The following INTS3 variants were observed in gnomAD, a reference collection of about 807,000 sequenced individuals.
INTS3 encodes integrator complex subunit 3, also known as SOSS complex subunit A.
INTS3 carries 34 observed loss-of-function variants against 146.3 expected under a neutral mutation model. The observed-to-expected ratio is 0.23, with a 90% CI of 0.18 to 0.31. INTS3 has a LOEUF of 0.31. INTS3 is among the 10% of genes least tolerant of loss of function. The pLI is 1.00. For missense variants in INTS3, 757 were observed against 1,304.2 expected, an observed-to-expected ratio of 0.58 and a Z score of 6.46; for synonymous variants, 475 against 494.9, an observed-to-expected ratio of 0.96 and a Z score of 0.53.
rs1570871511 is a variant in INTS3, at chr1:153,760,398, T to C, written c.1317+8T>C. ...CTGGACTTCATGTGCCGCGTAAGTG[T>C]TAGAGCTCTCTTTTCTCCCCATGCC... is the stretch of plus-strand genomic sequence containing the variant. On this transcript the variant is annotated splice_region_variant and intron_variant, in intron 12 of 29. Coordinates refer to ENST00000318967, the MANE Select transcript of INTS3 (RefSeq NM_023015.5). The C allele has an allele frequency of 1.9e-6, 3 of 1,610,728 alleles. No individual in the cohort carries two copies. The highest frequency in any genetic ancestry group is 2.5e-6 in the Non-Finnish European group (3 of 1,176,998).
rs1672433562 is a variant in INTS3, at chr1:153,762,762, C to A, written c.1551C>A (p.Asp517Glu). 1.2e-6 allele frequency: 2 copies of A among 1,614,008 alleles called. No individual in the cohort carries two copies. Among genetic ancestry groups the A allele is most frequent in the African/African-American group, 2.7e-5 (2 of 74,916 alleles). Residue 517 changes from aspartate to glutamate, a missense_variant, in exon 15 of 30, where the codon GAC becomes GAA. Physicochemically the swap from Asp to Glu is conservative, Grantham distance 45. Coordinates refer to ENST00000318967, the MANE Select transcript of INTS3 (RefSeq NM_023015.5). ...AGGAGCCAGTTTCCATGGAGATGGACAACCATATGTCGGATAAGGATGAGA... is the reference window on the plus strand; with the variant it reads ...AGGAGCCAGTTTCCATGGAGATGGAAAACCATATGTCGGATAAGGATGAGA... ...KIEEPVSMEM[D>E]NHMSDKDESC...
At chr1:153,750,226 C>G (rs1671906203) in intron 6 of INTS3, among the ~76,000 whole-genome samples, 2 of 152,220 alleles carry the variant, frequency 1.3e-5, no homozygotes, top group South Asian at 2.1e-4. Flanking sequence ...TCCCTGCCTT[C>G]CAACAGGGGG....
In INTS3 at chr1:153,769,674, T is replaced by G. The variant is rs563120777; in HGVS notation, c.2314-95T>G. ...GGCCTTCACTTCCTCTAATTTTTTT[T>G]TTTCCCTTACGAGCCCTCCTGCGTC... is the stretch of plus-strand genomic sequence containing the variant. On this transcript the variant is annotated intron_variant, in intron 22 of 29. Transcript: ENST00000318967. 9 of 765,062 alleles carry G rather than the reference T, an allele frequency of 1.2e-5. No individual in the cohort carries two copies. In the East Asian group the frequency reaches 1.8e-4, roughly 15 times the overall value. 47.4% of individuals were successfully genotyped at this position (765,062 alleles called of 1,614,324 possible).
In INTS3 at chr1:153,773,258, T is replaced by C. The variant is rs1354842422; in HGVS notation, c.3117T>C (p.Ser1039=). 6.2e-7 allele frequency: 1 copy of C among 1,613,892 alleles called. No homozygotes were observed. Among genetic ancestry groups the C allele is most frequent in the South Asian group, 1.1e-5 (1 of 91,064 alleles). ...RKRKGSSAVG[S]DSD Reference sequence around the variant, plus strand: ...GAAAAGGGTCCTCTGCAGTGGGCTCTGACAGTGACTGAGGCCCTGCATTCC... The same window carrying C: ...GAAAAGGGTCCTCTGCAGTGGGCTCCGACAGTGACTGAGGCCCTGCATTCC... Residue 1039 remains serine, a synonymous_variant, in exon 30 of 30, where the codon TCT becomes TCC. Coordinates refer to ENST00000318967, the MANE Select transcript of INTS3 (RefSeq NM_023015.5).
chr1:153,758,404 C>T (rs1220789887), intron 10 of INTS3, among the ~76,000 whole-genome samples: 1 of 152,168 alleles, frequency 6.6e-6, no homozygotes, highest in Non-Finnish European at 1.5e-5. Flanking sequence ...GAAAGGGCAG[C>T]CAAGGGGTGC....
intron 1 of INTS3, among the ~76,000 whole-genome samples, chr1:153,732,691 A>G (rs1028603417): frequency 4.0e-5 from 6 of 151,566 alleles, no homozygotes; most frequent in Admixed American, 2.6e-4. Context: ...CAGGTGATCC[A>G]CCTGCCTCGG....
rs759904170 is a variant in INTS3, at chr1:153,747,037, G to A, written c.399G>A (p.Lys133=). ...LNKINQILME[K]YLKLQDTCRT... ...AAATCAACCAGATACTTATGGAGAAGTACCTGAAGCTGCAGGATACCTGCC... is the reference window on the plus strand; with the variant it reads ...AAATCAACCAGATACTTATGGAGAAATACCTGAAGCTGCAGGATACCTGCC... The change falls in exon 4 of 30, where the codon AAG becomes AAA. Residue 133 remains lysine, a synonymous_variant. Transcript: ENST00000318967. The A allele has an allele frequency of 1.2e-6, 2 of 1,613,638 alleles. No homozygotes were observed. The highest frequency in any genetic ancestry group is 1.7e-6 in the Non-Finnish European group (2 of 1,179,584).
At chr1:153,744,849 G>A (rs1318072373) in intron 3 of INTS3, among the ~76,000 whole-genome samples, 1 of 152,096 alleles carries the variant, frequency 6.6e-6, no homozygotes, top group Non-Finnish European at 1.5e-5. Flanking sequence ...AACTCATACC[G>A]CTATTCCCAG....
Position 153,764,749 on chromosome 1 carries a change from A to G in INTS3, c.1970+15A>G, listed in dbSNP as rs768612702. ...CTAATATTTAGGTAAGCACGCAGCT[A>G]TAGGAGATACTGTTCTACCCTCCAT... On this transcript the variant is annotated intron_variant, in intron 19 of 29. Coordinates refer to ENST00000318967, the MANE Select transcript of INTS3 (RefSeq NM_023015.5). 25 of 1,598,056 alleles carry G rather than the reference A, an allele frequency of 1.6e-5. No homozygotes were observed. Among genetic ancestry groups the G allele is most frequent in the East Asian group, 2.2e-5 (1 of 44,794 alleles).
chr1:153,756,542 G>A (rs556097191), intron 9 of INTS3, among the ~76,000 whole-genome samples: 41 of 152,052 alleles, frequency 2.7e-4, no homozygotes, highest in African/African-American at 9.6e-4. Context: ...GGGGCCAAGT[G>A]CGGTGGCTCA....
intron 9 of INTS3, among the ~76,000 whole-genome samples, chr1:153,755,160 C>T (rs1196118923): frequency 6.6e-6 from 1 of 152,078 alleles, no homozygotes; most frequent in African/African-American, 2.4e-5. Flanking sequence ...CCAGACTTGA[C>T]TGAATAATGG....
chr1:153,762,096 C>T (rs534390773), intron 14 of INTS3, among the ~76,000 whole-genome samples: 1 of 152,344 alleles, frequency 6.6e-6, no homozygotes, highest in Non-Finnish European at 1.5e-5. Flanking sequence ...CACATACACA[C>T]TTTGTTTTGG....
Position 153,764,930 on chromosome 1 carries a change from T to C in INTS3, c.1971-14T>C. ...GTAAAGTTCTGTTCCTCTCCTCCCATGCCCCACCTCCAGGAACCTATGTCA... is the reference window on the plus strand; with the variant it reads ...GTAAAGTTCTGTTCCTCTCCTCCCACGCCCCACCTCCAGGAACCTATGTCA... On this transcript the variant is annotated splice_polypyrimidine_tract_variant and intron_variant, in intron 19 of 29. Coordinates refer to ENST00000318967, the MANE Select transcript of INTS3 (RefSeq NM_023015.5). 6.2e-7 allele frequency: 1 copy of C among 1,614,076 alleles called. No individual in the cohort carries two copies. The highest frequency in any genetic ancestry group is 1.1e-5 in the South Asian group (1 of 91,076).
At chr1:153,740,207 C>T (rs934303820) in intron 1 of INTS3, among the ~76,000 whole-genome samples, 1 of 152,126 alleles carries the variant, frequency 6.6e-6, no homozygotes, top group Non-Finnish European at 1.5e-5. Context: ...TCCAGAGATT[C>T]TCCTGCCTCA....
At chr1:153,761,126 AT>A in intron 13 of INTS3, 1 of 1,359,916 alleles carries the variant, frequency 7.4e-7, no homozygotes, top group Non-Finnish European at 9.7e-7. Context: ...AAATGCCTTC[AT>A]GTTCCCTGTT....
chr1:153,761,782 G>A (rs1046616790), intron 14 of INTS3, 106 bp downstream of exon 14: 14 of 644,548 alleles, frequency 2.2e-5, no homozygotes, highest in South Asian at 1.5e-4. Flanking sequence ...CTCCACTTCC[G>A]TGACACTGTC....
chr1:153,760,420 T>G, intron 12 of INTS3, 30 bp downstream of exon 12: 1 of 1,568,074 alleles, frequency 6.4e-7, no homozygotes, highest in Non-Finnish European at 8.8e-7. Flanking sequence ...TTTCTCCCCA[T>G]GCCTGGATGA....
intron 14 of INTS3, 93 bp from the exon 15 acceptor site, chr1:153,762,635 C>T: frequency 2.7e-6 from 4 of 1,467,884 alleles, no homozygotes; most frequent in Non-Finnish European, 3.7e-6. Context: ...TCCTTATTCT[C>T]TCACTTGCCC....
At chr1:153,731,067 T>C (rs143286237) in intron 1 of INTS3, among the ~76,000 whole-genome samples, 1 of 152,174 alleles carries the variant, frequency 6.6e-6, no homozygotes, top group African/African-American at 2.4e-5. Flanking sequence ...TTCCTGACCA[T>C]ATATGCTTAC....
Sources: gnomAD v4.1 joint callset for allele counts (sites outside exome capture counted in the v4.1 genomes callset) on GRCh38, gnomAD v4.1.1 for gene constraint, MANE v1.5 for transcripts, NCBI Gene and HGNC (gene_info 2026-07-23, HGNC 2026-07-21) for gene names.